Variants in DCDC1 observed in about 807,000 individuals in gnomAD.
DCDC1 encodes doublecortin domain containing 1, also known as doublecortin domain-containing protein 1.
DCDC1 carries 200 observed loss-of-function variants against 178.3 expected under a neutral mutation model. The observed-to-expected ratio is 1.12, with a 90% CI of 1.00 to 1.26. DCDC1 has a LOEUF of 1.26. Ranked by LOEUF, DCDC1 falls within the 50% of genes most tolerant of loss-of-function variation. DCDC1 has a pLI of 0.00. For missense variants in DCDC1, 1,983 were observed against 1,749.2 expected, an observed-to-expected ratio of 1.13 and a Z score of -2.38; for synonymous variants, 690 against 604.8, an observed-to-expected ratio of 1.14 and a Z score of -2.07.
intron 20 of DCDC1, among the ~76,000 whole-genome samples, chr11:30,994,529 TTA>T (rs35280751): frequency 4.1e-5 from 6 of 145,114 alleles, no homozygotes; most frequent in African/African-American, 7.6e-5. Context: ...TGACCTCAAG[TTA>T]TATATATATA....
At chr11:31,025,432 T>C (rs564464927) in intron 20 of DCDC1, among the ~76,000 whole-genome samples, 1 of 151,888 alleles carries the variant, frequency 6.6e-6, no homozygotes, top group South Asian at 2.1e-4. Flanking sequence ...TCCATTACTA[T>C]TAATATAAAA....
At chr11:31,263,975 A>G (rs559689553) in intron 8 of DCDC1, among the ~76,000 whole-genome samples, 19 of 152,228 alleles carry the variant, frequency 1.2e-4, no homozygotes, top group Non-Finnish European at 2.1e-4. Context: ...GAGATATTAG[A>G]TGGATATCTA....
At chr11:30,931,701 C>T (rs1946932280) in intron 22 of DCDC1, 70 bp downstream of exon 22, 4 of 1,414,382 alleles carry the variant, frequency 2.8e-6, no homozygotes. Context: ...GAAAAACATC[C>T]ATAATTAAGA....
intron 1 of DCDC1, among the ~76,000 whole-genome samples, chr11:31,351,820 T>C (rs913830290): frequency 6.6e-6 from 1 of 152,180 alleles, no homozygotes; most frequent in African/African-American, 2.4e-5. Context: ...TTAATGCTAA[T>C]CCAGGAACTA....
At chr11:30,945,668 G>C (rs546570342) in intron 21 of DCDC1, among the ~76,000 whole-genome samples, 1 of 151,950 alleles carries the variant, frequency 6.6e-6, no homozygotes, top group Admixed American at 6.6e-5. Context: ...ACTTCAGCCG[G>C]GGTAACAAGA....
intron 8 of DCDC1, among the ~76,000 whole-genome samples, chr11:31,242,622 G>A (rs1386482809): frequency 1.3e-5 from 2 of 151,794 alleles, no homozygotes; most frequent in Admixed American, 6.6e-5. Context: ...ATAGATCACC[G>A]GCAAAGAAAA....
intron 9 of DCDC1, among the ~76,000 whole-genome samples, chr11:31,208,845 G>C (rs1972163994): frequency 6.6e-6 from 1 of 152,148 alleles, no homozygotes; most frequent in Non-Finnish European, 1.5e-5. Flanking sequence ...CCTCCTCAGA[G>C]ACTGCCTTAT....
At chr11:31,150,262 G>C (rs1023154257) in intron 9 of DCDC1, among the ~76,000 whole-genome samples, 1 of 152,150 alleles carries the variant, frequency 6.6e-6, no homozygotes, top group Non-Finnish European at 1.5e-5. Context: ...GCTTGCAACA[G>C]TAAAAGGATT....
intron 1 of DCDC1, among the ~76,000 whole-genome samples, chr11:31,357,050 C>G (rs1484339408): frequency 6.6e-6 from 1 of 151,548 alleles, no homozygotes; most frequent in Non-Finnish European, 1.5e-5. Flanking sequence ...CTATTCCAAT[C>G]AATAGAAAAA....
chr11:31,339,304 G>T (rs191142844), intron 1 of DCDC1, among the ~76,000 whole-genome samples: 2 of 152,210 alleles, frequency 1.3e-5, no homozygotes, highest in Admixed American at 6.5e-5. Flanking sequence ...CATAAGGGTG[G>T]ACTCTTTTTA....
At chr11:31,315,272 C>T (rs1178367374) in intron 3 of DCDC1, among the ~76,000 whole-genome samples, 1 of 150,134 alleles carries the variant, frequency 6.7e-6, no homozygotes, top group Non-Finnish European at 1.5e-5. Flanking sequence ...TATAACTACA[C>T]CACATTGCCT....
chr11:31,027,587 T>C (rs1264395327), intron 20 of DCDC1, among the ~76,000 whole-genome samples: 1 of 151,852 alleles, frequency 6.6e-6, no homozygotes, highest in Admixed American at 6.6e-5. Context: ...TAAATAGGGT[T>C]GAATAATATT....
intron 3 of DCDC1, among the ~76,000 whole-genome samples, chr11:31,308,999 A>G (rs1310653440): frequency 6.6e-6 from 1 of 151,978 alleles, no homozygotes; most frequent in Non-Finnish European, 1.5e-5. Context: ...CCCCTCCTCC[A>G]AATCTTTCAC....
chr11:31,056,994 G>A (rs546870213), intron 20 of DCDC1, among the ~76,000 whole-genome samples: 1 of 152,218 alleles, frequency 6.6e-6, no homozygotes, highest in Admixed American at 6.6e-5. Flanking sequence ...TACTTTGGGA[G>A]GCTGAGGCAG....
chr11:30,875,684 A>G (rs1219791747), intron 38 of DCDC1, among the ~76,000 whole-genome samples: 5 of 152,088 alleles, frequency 3.3e-5, no homozygotes, highest in African/African-American at 1.2e-4. Flanking sequence ...CTGACAAAAG[A>G]GAATATATTT....
chr11:30,953,919 CAG>C (rs1020091880), intron 20 of DCDC1, among the ~76,000 whole-genome samples: 3 of 145,422 alleles, frequency 2.1e-5, no homozygotes, highest in Non-Finnish European at 4.5e-5. Context: ...ACAAACCAAA[CAG>C]AAAAATTGAG....
intron 27 of DCDC1, among the ~76,000 whole-genome samples, chr11:30,912,721 G>A (rs1945531528): frequency 6.6e-6 from 1 of 152,152 alleles, no homozygotes; most frequent in South Asian, 2.1e-4. Flanking sequence ...AATGAGTCCT[G>A]AACCCTAGCC....
intron 9 of DCDC1, among the ~76,000 whole-genome samples, chr11:31,178,457 T>G (rs1968357732): frequency 6.6e-6 from 1 of 152,188 alleles, no homozygotes; most frequent in Non-Finnish European, 1.5e-5. Flanking sequence ...TTCATGACAT[T>G]GGGCTCTGCA....
At chr11:31,296,159 T>G (rs558729029) in intron 6 of DCDC1, among the ~76,000 whole-genome samples, 4 of 152,264 alleles carry the variant, frequency 2.6e-5, no homozygotes, top group Admixed American at 6.5e-5. Context: ...ACTTGTTGAG[T>G]GTATCCTATG....
Sources: allele counts gnomAD v4.1 joint callset (sites outside exome capture counted in the v4.1 genomes callset), GRCh38; gene constraint gnomAD v4.1.1; transcripts MANE v1.5; gene names NCBI Gene and HGNC (gene_info 2026-07-23, HGNC 2026-07-21).